The following SPAG17 variants were observed in gnomAD, a reference collection of about 807,000 sequenced individuals.
SPAG17 encodes the protein sperm associated antigen 17.
A neutral mutation model predicts 273.6 loss-of-function variants in SPAG17; 169 were observed. The ratio of observed to expected loss-of-function variants is 0.62; its 90% CI spans 0.55 to 0.70. The LOEUF (loss-of-function observed/expected upper bound fraction) is 0.70. Ranked by LOEUF, SPAG17 falls within the 30% of genes least tolerant of loss-of-function variation. SPAG17 has a pLI of 0.00. For missense variants in SPAG17, 2,557 were observed against 2,627.8 expected, an observed-to-expected ratio of 0.97 and a Z score of 0.59; for synonymous variants, 825 against 873.2, an observed-to-expected ratio of 0.94 and a Z score of 0.97.
intron 15 of SPAG17, among the ~76,000 whole-genome samples, chr1:118,080,586 A>G (rs1285629908): frequency 2.6e-5 from 4 of 152,252 alleles, no homozygotes; most frequent in Non-Finnish European, 4.4e-5. Context: ...GATTAATCTG[A>G]CAGTGATGTG....
intron 4 of SPAG17, among the ~76,000 whole-genome samples, chr1:118,109,875 A>G (rs1479796923): frequency 6.6e-6 from 1 of 152,150 alleles, no homozygotes; most frequent in Non-Finnish European, 1.5e-5. Context: ...AATATTAAAT[A>G]TAGTGGTTTT....
intron 45 of SPAG17, among the ~76,000 whole-genome samples, chr1:117,971,593 C>G (rs532555871): frequency 6.1e-4 from 92 of 152,026 alleles, no homozygotes; most frequent in Non-Finnish European, 1.0e-3. Flanking sequence ...TAGTAGAAAT[C>G]AGGATGTGAG....
intron 6 of SPAG17, among the ~76,000 whole-genome samples, chr1:118,098,069 C>T (rs1168096233): frequency 1.3e-5 from 2 of 152,188 alleles, no homozygotes; most frequent in African/African-American, 4.8e-5. Flanking sequence ...GAACTTATCT[C>T]ATGCCTTCAT....
At chr1:118,028,857 A>ATAAG (rs1648089638) in intron 25 of SPAG17, among the ~76,000 whole-genome samples, 1 of 152,100 alleles carries the variant, frequency 6.6e-6, no homozygotes, top group East Asian at 1.9e-4. Flanking sequence ...TGAGGGCTCC[A>ATAAG]CCCTTATGAA....
chr1:118,102,621 A>G (rs1656140512), intron 4 of SPAG17, among the ~76,000 whole-genome samples: 1 of 152,212 alleles, frequency 6.6e-6, no homozygotes, highest in Non-Finnish European at 1.5e-5. Context: ...GCTCTGGGGC[A>G]TGCTTAGATT....
chr1:118,102,868 A>G (rs1023801638), intron 4 of SPAG17, among the ~76,000 whole-genome samples: 2 of 152,216 alleles, frequency 1.3e-5, no homozygotes, highest in Non-Finnish European at 1.5e-5. Context: ...CTTCCCCTAC[A>G]CTACTCCATG....
intron 44 of SPAG17, 75 bp from the exon 45 acceptor site, chr1:117,972,122 AC>A: frequency 7.8e-7 from 1 of 1,287,890 alleles, no homozygotes; most frequent in Non-Finnish European, 1.1e-6. Context: ...AGTCCCTGTC[AC>A]CAGAGGAAAA....
At chr1:118,020,316 C>A (rs1297157091) in intron 28 of SPAG17, among the ~76,000 whole-genome samples, 3 of 152,020 alleles carry the variant, frequency 2.0e-5, no homozygotes, top group African/African-American at 7.2e-5. Context: ...TGCCTGTAAT[C>A]CCAGCCACTT....
At chr1:118,042,364 C>T (rs1408591536) in intron 20 of SPAG17, among the ~76,000 whole-genome samples, 1 of 152,138 alleles carries the variant, frequency 6.6e-6, no homozygotes, top group African/African-American at 2.4e-5. Context: ...GTCTCCCAGT[C>T]TCCTATCCTC....
At chr1:118,184,043 G>T (rs1661064425) in intron 1 of SPAG17, among the ~76,000 whole-genome samples, 1 of 151,702 alleles carries the variant, frequency 6.6e-6, no homozygotes, top group Non-Finnish European at 1.5e-5. Flanking sequence ...TCTTCATCAG[G>T]ACTAATTTCC....
At chr1:118,140,093 G>T (rs548247068) in intron 3 of SPAG17, among the ~76,000 whole-genome samples, 272 of 152,142 alleles carry the variant, frequency 1.8e-3, no homozygotes, top group Non-Finnish European at 2.8e-3. Flanking sequence ...CAGGAAGAAG[G>T]CTCCCACCAG....
intron 20 of SPAG17, among the ~76,000 whole-genome samples, chr1:118,045,862 G>A (rs763270225): frequency 1.3e-4 from 19 of 151,980 alleles, no homozygotes; most frequent in Admixed American, 3.9e-4. Context: ...AGATTCAGTC[G>A]GTGTGGGGAA....
intron 3 of SPAG17, among the ~76,000 whole-genome samples, chr1:118,144,620 T>C (rs1046755489): frequency 6.6e-6 from 1 of 152,136 alleles, no homozygotes; most frequent in Non-Finnish European, 1.5e-5. Flanking sequence ...CCATCAGGGG[T>C]TATTTCTGCT....
At chr1:117,969,605 T>A (rs1293738272) in intron 46 of SPAG17, among the ~76,000 whole-genome samples, 1 of 151,886 alleles carries the variant, frequency 6.6e-6, no homozygotes, top group African/African-American at 2.4e-5. Flanking sequence ...TAAATATAAA[T>A]AAACAAATAT....
At chr1:118,032,814 G>A (rs1443666502) in intron 24 of SPAG17, among the ~76,000 whole-genome samples, 1 of 151,884 alleles carries the variant, frequency 6.6e-6, no homozygotes, top group African/African-American at 2.4e-5. Flanking sequence ...AGCTGGTCTC[G>A]AACTCCTGAC....
chr1:118,170,671 A>C (rs1660380701), intron 1 of SPAG17, among the ~76,000 whole-genome samples: 1 of 152,212 alleles, frequency 6.6e-6, no homozygotes, highest in African/African-American at 2.4e-5. Flanking sequence ...AAGGAGAATA[A>C]ATCTCAGAGC....
intron 13 of SPAG17, among the ~76,000 whole-genome samples, chr1:118,085,531 C>T (rs548253397): frequency 1.9e-4 from 29 of 151,680 alleles, no homozygotes; most frequent in Non-Finnish European, 3.2e-4. Flanking sequence ...CATACGCGTG[C>T]GCGCGCGCAC....
intron 5 of SPAG17, among the ~76,000 whole-genome samples, chr1:118,100,961 C>A (rs944656164): frequency 2.6e-5 from 4 of 152,194 alleles, no homozygotes; most frequent in Admixed American, 2.0e-4. Context: ...GTGTTTCACT[C>A]ATGACCATAA....
At chr1:117,987,709 A>T in intron 40 of SPAG17, 125 bp downstream of exon 40, 1 of 904,282 alleles carries the variant, frequency 1.1e-6, no homozygotes. Flanking sequence ...ACCACTTGGT[A>T]GACATGTTGC....
Sources: gnomAD v4.1 joint callset for allele counts (sites outside exome capture counted in the v4.1 genomes callset) on GRCh38, gnomAD v4.1.1 for gene constraint, MANE v1.5 for transcripts, NCBI Gene and HGNC (gene_info 2026-07-23, HGNC 2026-07-21) for gene names.